RASA2: variants seen among roughly 807,000 people sequenced by gnomAD.
RASA2 encodes the protein RAS p21 protein activator 2.
In RASA2, 155 loss-of-function variants were observed where a neutral mutation model predicts 118.2. The observed-to-expected ratio is 1.31, with a 90% CI of 1.15 to 1.50. The LOEUF (loss-of-function observed/expected upper bound fraction) is 1.50. Ranked by LOEUF, RASA2 falls within the 40% of genes most tolerant of loss-of-function variation. The pLI, the probability that RASA2 is intolerant of heterozygous loss-of-function variation, is 0.00. For synonymous variants in RASA2, 353 were observed against 349.1 expected, an observed-to-expected ratio of 1.01 and a Z score of -0.12; for missense variants, 1,016 against 1,009.6, an observed-to-expected ratio of 1.01 and a Z score of -0.09.
Position 141,572,705 on chromosome 3 carries a change from A to G in RASA2, c.1266A>G (p.Leu422=). 1 of 1,608,022 alleles carries G rather than the reference A, an allele frequency of 6.2e-7. No individual in the cohort carries two copies. The highest frequency in any genetic ancestry group is 8.5e-7 in the Non-Finnish European group (1 of 1,174,970). The change falls in exon 12 of 24, where the codon TTA becomes TTG. Residue 422 remains leucine (L), a synonymous_variant. Transcript: ENST00000286364. ...IVGGHYLKVT[L]KPILDEICDS... is the part of the protein sequence containing the mutation. ...GAGGGCACTACCTGAAAGTAACATT[A>G]AAACCTATTCTTGATGAGGTACAGA...
At chr3:141,497,325 A>T (rs1030464195) in intron 1 of RASA2, among the ~76,000 whole-genome samples, 1 of 152,070 alleles carries the variant, frequency 6.6e-6, no homozygotes, top group South Asian at 2.1e-4. Flanking sequence ...GTATAATAAA[A>T]AAAAAAAAAG....
chr3:141,593,790 AAAC>A (rs774495024), intron 19 of RASA2, among the ~76,000 whole-genome samples: 2 of 152,232 alleles, frequency 1.3e-5, no homozygotes, highest in Non-Finnish European at 2.9e-5. Context: ...AGTATAGTAT[AAAC>A]AAAGTATAAA....
At chr3:141,570,855 G>A (rs1280652094) in intron 9 of RASA2, 57 bp from the exon 10 acceptor site, 1 of 1,494,824 alleles carries the variant, frequency 6.7e-7, no homozygotes, top group Non-Finnish European at 9.1e-7. Context: ...CTCTTAACTT[G>A]CCTCATTGGC....
At position 141,612,391 on chromosome 3, in the gene RASA2, A is replaced by G; in HGVS notation, c.*78A>G. 1 of 1,244,882 alleles carries G rather than the reference A, an allele frequency of 8.0e-7. No individual in the cohort carries two copies. The highest frequency in any genetic ancestry group is 1.1e-6 in the Non-Finnish European group (1 of 882,786). 77.1% of individuals were successfully genotyped at this position (1,244,882 alleles called of 1,614,324 possible). A position where few individuals can be genotyped will look rare whatever the true frequency, so the allele number is the denominator to read the frequency against. On this transcript the variant is annotated 3_prime_UTR_variant, in exon 24 of 24. Coordinates refer to ENST00000286364, the MANE Select transcript of RASA2 (RefSeq NM_006506.5). Reference sequence around the variant, plus strand: ...TTTCAATTCATCATGTATTTTGTTCATGGTATTTAAGAATGAGCATCCGCT... The same window carrying G: ...TTTCAATTCATCATGTATTTTGTTCGTGGTATTTAAGAATGAGCATCCGCT...
At chr3:141,559,675 A>C (rs143938408) in intron 8 of RASA2, among the ~76,000 whole-genome samples, 365 of 152,260 alleles carry the variant, frequency 2.4e-3, no homozygotes, top group African/African-American at 6.7e-3. Flanking sequence ...GCCTTCTTTC[A>C]GACTATTTAA....
Position 141,615,019 on chromosome 3 carries a change from A to T in RASA2, c.*2706A>T, listed in dbSNP as rs1351018058. The T allele has an allele frequency of 6.6e-6, 1 of 152,330 alleles. No homozygotes were observed. Among genetic ancestry groups the T allele is most frequent in the Non-Finnish European group, 1.5e-5 (1 of 68,016 alleles). The allele number at this position is 152,330 out of a possible 1,614,324, so 9.4% of individuals were successfully genotyped here. A position where few individuals can be genotyped will look rare whatever the true frequency, so the allele number is the denominator to read the frequency against. On this transcript the variant is annotated 3_prime_UTR_variant, in exon 24 of 24. Transcript: ENST00000286364. The stretch of plus-strand genomic sequence containing the variant: ...TAACGGTACATCCTGTAAAGACAGA[A>T]TTCTGCATAGCCTTTTAGGTGTTTT...
At chr3:141,563,294 A>G (rs902681979) in intron 9 of RASA2, among the ~76,000 whole-genome samples, 1 of 152,110 alleles carries the variant, frequency 6.6e-6, no homozygotes, top group Non-Finnish European at 1.5e-5. Context: ...ATATATATAT[A>G]TGAGTTTTTT....
chr3:141,504,962 A>G (rs760976352), intron 1 of RASA2, among the ~76,000 whole-genome samples: 3 of 151,946 alleles, frequency 2.0e-5, no homozygotes, highest in Non-Finnish European at 4.4e-5. Context: ...CCTTCCCCAG[A>G]TATCTGTATG....
chr3:141,543,760 C>T lies in RASA2; in HGVS notation c.527+3151C>T, dbSNP rs564531165. Among the ~76,000 whole-genome samples the T allele has an allele frequency of 1.7e-4, 26 of 151,970 alleles. No homozygotes were observed. In the East Asian group the frequency reaches 4.8e-3, roughly 28 times the overall value. The stretch of plus-strand genomic sequence containing the variant: ...CCTCGATGGTTTCTGATGTGAAGTT[C>T]ATTGTCATTCAAATTGTTTTTCCCT... On this transcript the variant is annotated intron_variant, in intron 5 of 23. Transcript: ENST00000286364.
chr3:141,609,267 C>T (rs1423202636), intron 21 of RASA2, among the ~76,000 whole-genome samples, 153 bp from the exon 22 acceptor site: 1 of 152,182 alleles, frequency 6.6e-6, no homozygotes, highest in African/African-American at 2.4e-5. Context: ...TCCTTGGCCC[C>T]ACTTTATTTT....
In RASA2 at chr3:141,545,073, G is replaced by T. The variant is rs549855104; in HGVS notation, c.527+4464G>T. ...TAATACCTAAGTGACAAAATAATCT[G>T]TACAACAAACCCTTGTGACACAAGT... On this transcript the variant is annotated intron_variant, in intron 5 of 23. Coordinates refer to ENST00000286364, the MANE Select transcript of RASA2 (RefSeq NM_006506.5). 2.6e-5 allele frequency among the ~76,000 whole-genome samples: 4 copies of T among 152,234 alleles called. No individual in the cohort carries two copies. The East Asian group carries it at 7.7e-4, about 29-fold the overall frequency.
chr3:141,510,133 G>A (rs1175528298), intron 1 of RASA2, among the ~76,000 whole-genome samples: 1 of 152,148 alleles, frequency 6.6e-6, no homozygotes, highest in Non-Finnish European at 1.5e-5. Flanking sequence ...CTTTAAAGTT[G>A]ATAAGCAGAA....
chr3:141,575,193 A>G (rs966859893), intron 14 of RASA2, among the ~76,000 whole-genome samples: 1 of 152,098 alleles, frequency 6.6e-6, no homozygotes, highest in Non-Finnish European at 1.5e-5. Flanking sequence ...ATCTGAAGAG[A>G]TTTTGCAGTT....
chr3:141,497,544 A>G (rs1280925444), intron 1 of RASA2, among the ~76,000 whole-genome samples: 1 of 151,808 alleles, frequency 6.6e-6, no homozygotes, highest in Non-Finnish European at 1.5e-5. Flanking sequence ...TGAGTGCTAT[A>G]GAAGAAATAA....
intron 17 of RASA2, among the ~76,000 whole-genome samples, chr3:141,583,350 A>T (rs1577785543): frequency 6.6e-6 from 1 of 152,118 alleles, no homozygotes. Flanking sequence ...GCTTGAACCC[A>T]GGAGGTAGAG....
intron 19 of RASA2, among the ~76,000 whole-genome samples, chr3:141,593,276 A>G (rs1333593792): frequency 2.6e-5 from 4 of 151,924 alleles, no homozygotes; most frequent in African/African-American, 9.7e-5. Context: ...TGAACTCCCA[A>G]CCTCAGGTGA....
intron 19 of RASA2, among the ~76,000 whole-genome samples, chr3:141,603,591 A>C (rs911607287): frequency 6.6e-6 from 1 of 152,086 alleles, no homozygotes; most frequent in African/African-American, 2.4e-5. Flanking sequence ...TAAAAAATAA[A>C]ATTTAGATAT....
At chr3:141,562,895 TCTC>T (rs1191295447) in intron 9 of RASA2, among the ~76,000 whole-genome samples, 2 of 151,944 alleles carry the variant, frequency 1.3e-5, no homozygotes, top group Non-Finnish European at 2.9e-5. Context: ...CTGGTCTTGA[TCTC>T]CTGACCTCTT....
chr3:141,606,105 G>A (rs1446454095), intron 19 of RASA2, among the ~76,000 whole-genome samples: 1 of 152,168 alleles, frequency 6.6e-6, no homozygotes, highest in Non-Finnish European at 1.5e-5. Context: ...CCTGATGTAT[G>A]TCTGAGTGCC....
Sources: allele counts gnomAD v4.1 joint callset (sites outside exome capture counted in the v4.1 genomes callset), GRCh38; gene constraint gnomAD v4.1.1; transcripts MANE v1.5; gene names NCBI Gene and HGNC (gene_info 2026-07-23, HGNC 2026-07-21).